The following CPQ variants were observed in gnomAD, a reference collection of about 807,000 sequenced individuals.
CPQ encodes the protein carboxypeptidase Q, also known as Ser-Met dipeptidase.
A neutral mutation model predicts 45.7 loss-of-function variants in CPQ; 37 were observed. The observed-to-expected ratio is 0.81, with a 90% CI of 0.62 to 1.07. The LOEUF is 1.07. CPQ is among the 50% of genes least tolerant of loss of function. The pLI, the probability that CPQ is intolerant of heterozygous loss-of-function variation, is 0.00. For missense variants in CPQ, 537 were observed against 572.9 expected, an observed-to-expected ratio of 0.94 and a Z score of 0.64; for synonymous variants, 186 against 205.8, an observed-to-expected ratio of 0.90 and a Z score of 0.82.
At chr8:96,781,598 T>C (rs908270521) in intron 1 of CPQ, among the ~76,000 whole-genome samples, 2 of 152,214 alleles carry the variant, frequency 1.3e-5, no homozygotes, top group Non-Finnish European at 2.9e-5. Context: ...ACCCATAGTA[T>C]TCCTCCTGTC....
At chr8:97,133,135 C>T (rs1251695076) in intron 7 of CPQ, 1 of 152,130 alleles carries the variant, frequency 6.6e-6, no homozygotes, top group African/African-American at 2.4e-5. Context: ...AGAAGAGCCT[C>T]ATTTTATACA....
intron 4 of CPQ, among the ~76,000 whole-genome samples, chr8:96,924,270 T>A (rs1397405655): frequency 6.6e-6 from 1 of 152,326 alleles, no homozygotes; most frequent in East Asian, 1.9e-4. Context: ...TTTCATTTTC[T>A]GGTAAAGAGT....
intron 7 of CPQ, among the ~76,000 whole-genome samples, chr8:97,115,188 T>C (rs987269980): frequency 2.0e-5 from 3 of 152,200 alleles, no homozygotes; most frequent in African/African-American, 7.2e-5. Flanking sequence ...AAAGATGCCC[T>C]GGGTGCCTCT....
At chr8:97,120,961 C>A (rs1286706862) in intron 7 of CPQ, among the ~76,000 whole-genome samples, 2 of 152,070 alleles carry the variant, frequency 1.3e-5, no homozygotes, top group East Asian at 3.9e-4. Context: ...GAAGCTAAAA[C>A]CTAAAAGGTA....
At chr8:96,770,283 A>G (rs1810523860) in intron 1 of CPQ, among the ~76,000 whole-genome samples, 2 of 152,080 alleles carry the variant, frequency 1.3e-5, no homozygotes, top group African/African-American at 4.8e-5. Context: ...TCCCTCTAGG[A>G]AGGAATCATT....
chr8:96,677,697 T>C (rs1809095001), intron 1 of CPQ, among the ~76,000 whole-genome samples: 1 of 149,508 alleles, frequency 6.7e-6, no homozygotes, highest in South Asian at 2.1e-4. Context: ...TATTTATTTT[T>C]GTTTTTGTTA....
intron 2 of CPQ, among the ~76,000 whole-genome samples, chr8:96,822,954 C>A (rs12543202): frequency 0.57 from 86,099 of 151,812 alleles, 25,787 homozygotes; most frequent in East Asian, 0.88. Flanking sequence ...GCTTACACAC[C>A]ATAGAAGTTT....
chr8:96,691,811 G>A (rs1034288245), intron 1 of CPQ, among the ~76,000 whole-genome samples: 4 of 152,130 alleles, frequency 2.6e-5, no homozygotes, highest in African/African-American at 7.2e-5. Context: ...TATGAGAAGT[G>A]GCTTTTCGGT....
At chr8:97,127,395 G>A (rs1023739988) in intron 7 of CPQ, among the ~76,000 whole-genome samples, 1 of 152,132 alleles carries the variant, frequency 6.6e-6, no homozygotes, top group Non-Finnish European at 1.5e-5. Flanking sequence ...GAGATCATTA[G>A]TCATCATTGA....
intron 4 of CPQ, among the ~76,000 whole-genome samples, chr8:96,961,060 C>G (rs1002734641): frequency 6.6e-6 from 1 of 152,038 alleles, no homozygotes; most frequent in Non-Finnish European, 1.5e-5. Context: ...ATGTTTACAC[C>G]AAGAGTGGAA....
At chr8:96,691,977 CA>C in intron 1 of CPQ, among the ~76,000 whole-genome samples, 1 of 152,176 alleles carries the variant, frequency 6.6e-6, no homozygotes. Flanking sequence ...TGGGCATTAT[CA>C]AAACATACAA....
chr8:96,884,747 T>G (rs895980594), intron 4 of CPQ, among the ~76,000 whole-genome samples: 1 of 152,224 alleles, frequency 6.6e-6, no homozygotes, highest in African/African-American at 2.4e-5. Flanking sequence ...TCTAGCAGAC[T>G]TTCCTAAAAT....
intron 4 of CPQ, among the ~76,000 whole-genome samples, chr8:96,929,053 A>G (rs982324819): frequency 6.6e-6 from 1 of 152,174 alleles, no homozygotes; most frequent in Non-Finnish European, 1.5e-5. Flanking sequence ...TTTGCACATG[A>G]CTTTCTAATG....
intron 2 of CPQ, among the ~76,000 whole-genome samples, chr8:96,816,149 C>A (rs1811226497): frequency 6.6e-6 from 1 of 152,120 alleles, no homozygotes; most frequent in Admixed American, 6.6e-5. Context: ...AGTAGGACTT[C>A]CAAAATTGGA....
intron 4 of CPQ, among the ~76,000 whole-genome samples, chr8:96,912,100 C>T (rs942543115): frequency 6.6e-6 from 1 of 152,146 alleles, no homozygotes; most frequent in African/African-American, 2.4e-5. Context: ...TTCTGACCCC[C>T]CAGAACCAGA....
chr8:96,709,463 G>A (rs188087974), intron 1 of CPQ, among the ~76,000 whole-genome samples: 111 of 151,868 alleles, frequency 7.3e-4, no homozygotes, highest in African/African-American at 2.6e-3. Flanking sequence ...ATTCCATGGT[G>A]TATAAATACC....
At chr8:96,657,946 A>G (rs1021694115) in intron 1 of CPQ, among the ~76,000 whole-genome samples, 4 of 152,262 alleles carry the variant, frequency 2.6e-5, no homozygotes, top group Admixed American at 6.5e-5. Flanking sequence ...TTTTTTCATT[A>G]TCAAAATACA....
chr8:96,645,467 C>CG (rs1186050144), intron 1 of CPQ, 65 bp downstream of exon 1: 1 of 152,480 alleles, frequency 6.6e-6, no homozygotes, highest in Non-Finnish European at 1.5e-5. Context: ...CTCCTACCCG[C>CG]GGGGGTCGGG....
At chr8:96,693,321 A>G (rs1365772961) in intron 1 of CPQ, among the ~76,000 whole-genome samples, 1 of 151,794 alleles carries the variant, frequency 6.6e-6, no homozygotes, top group Non-Finnish European at 1.5e-5. Context: ...ATAACAGAGA[A>G]CTTTCCAAAC....
Sources: gnomAD v4.1 joint callset for allele counts (sites outside exome capture counted in the v4.1 genomes callset) on GRCh38, gnomAD v4.1.1 for gene constraint, MANE v1.5 for transcripts, NCBI Gene and HGNC (gene_info 2026-07-23, HGNC 2026-07-21) for gene names.